Variants in TTC6 observed in about 807,000 individuals in gnomAD.
TTC6 encodes tetratricopeptide repeat domain 6.
In TTC6, 172 loss-of-function variants were observed where a neutral mutation model predicts 210.4. That is an observed-to-expected ratio of 0.82 (90% CI 0.72 to 0.93). The LOEUF is 0.93. Ranked by LOEUF, TTC6 falls within the 40% of genes least tolerant of loss-of-function variation. The pLI is 0.00. For missense variants in TTC6, 2,414 were observed against 2,318.1 expected (o/e 1.04, Z -0.85); for synonymous variants, 804 against 819.6 (o/e 0.98, Z 0.32).
At chr14:37,786,512 G>A (rs1171332405) in intron 14 of TTC6, among the ~76,000 whole-genome samples, 2 of 152,186 alleles carry the variant, frequency 1.3e-5, no homozygotes, top group African/African-American at 4.8e-5. Flanking sequence ...CAATTTTCCA[G>A]GTGCCATCTG....
chr14:37,728,444 C>T (rs1171691189), intron 7 of TTC6, among the ~76,000 whole-genome samples: 1 of 151,424 alleles, frequency 6.6e-6, no homozygotes, highest in African/African-American at 2.4e-5. Context: ...AAAAAATTCT[C>T]CACTTGTTAC....
intron 3 of TTC6, among the ~76,000 whole-genome samples, chr14:37,691,482 A>AT (rs1384224784): frequency 6.6e-6 from 1 of 152,156 alleles, no homozygotes; most frequent in African/African-American, 2.4e-5. Flanking sequence ...AAATTGAAAA[A>AT]TTTTTTTGAA....
chr14:37,670,843 T>C (rs1226082390), intron 1 of TTC6, among the ~76,000 whole-genome samples: 1 of 152,078 alleles, frequency 6.6e-6, no homozygotes, highest in Non-Finnish European at 1.5e-5. Context: ...AATTATGCAA[T>C]AATAGGTAAT....
rs116059830 is a variant in TTC6 at position 37,747,517 on chromosome 14, T to C, written c.2364-1422T>C. The stretch of plus-strand genomic sequence containing the variant: ...AAGAAAAGAGTTGTATAGTAATGGT[T>C]TTCTTGAAAGCAGTAGTGATCTTTT... On this transcript the variant is annotated intron_variant, in intron 10 of 30. Coordinates refer to ENST00000553443, the Ensembl canonical transcript of TTC6. Among the ~76,000 whole-genome samples, 1,333 of 152,292 alleles carry C rather than the reference T, an allele frequency of 8.8e-3. 27 individuals carry two copies. Among genetic ancestry groups the C allele is most frequent in the African/African-American group, 0.03 (1,267 of 41,546 alleles).
chr14:37,761,018 G>C (rs12100740), intron 14 of TTC6, among the ~76,000 whole-genome samples: 35 of 152,218 alleles, frequency 2.3e-4, no homozygotes, highest in African/African-American at 7.9e-4. Context: ...TTCCAGGGGA[G>C]TAAGTGGTTC....
intron 1 of TTC6, among the ~76,000 whole-genome samples, chr14:37,604,172 C>T (rs2095620892): frequency 6.6e-6 from 1 of 152,180 alleles, no homozygotes; most frequent in Admixed American, 6.5e-5. Flanking sequence ...AGGGAGCTCT[C>T]CCATGGGAAC....
Position 37,838,527 on chromosome 14 carries a change from C to T in TTC6, c.5299-2918C>T, listed in dbSNP as rs578081923. Among the ~76,000 whole-genome samples the T allele has an allele frequency of 7.2e-5, 11 of 152,178 alleles. No individual in the cohort carries two copies. The South Asian group carries it at 1.9e-3, about 26-fold the overall frequency. ...TGGTCTTTTCAACAAGCTGATATTT[C>T]CTCTCTCTTTTTTATACCTTTTTAT... On this transcript the variant is annotated intron_variant, in intron 29 of 30. Coordinates refer to ENST00000553443, the Ensembl canonical transcript of TTC6.
chr14:37,808,776 T>C, exon 24 of TTC6: 2 of 1,525,596 alleles, frequency 1.3e-6, no homozygotes, highest in Middle Eastern at 1.7e-4. Flanking sequence ...GCTATCAGCA[T>C]GGACAAAAAT....
At chr14:37,629,213 C>T (rs565673432) in intron 1 of TTC6, among the ~76,000 whole-genome samples, 33 of 152,152 alleles carry the variant, frequency 2.2e-4, no homozygotes, top group Non-Finnish European at 4.1e-4. Context: ...GCCATTTTCA[C>T]GATATTGATT....
At chr14:37,629,087 G>A (rs547320920) in intron 1 of TTC6, among the ~76,000 whole-genome samples, 47 of 152,146 alleles carry the variant, frequency 3.1e-4, no homozygotes, top group Non-Finnish European at 5.0e-4. Context: ...TTGGCTATAC[G>A]GGCTCTTTTT....
intron 5 of TTC6, among the ~76,000 whole-genome samples, chr14:37,711,385 A>G (rs532488234): frequency 1.3e-5 from 2 of 152,328 alleles, no homozygotes; most frequent in East Asian, 1.9e-4. Flanking sequence ...CAGGGAAACC[A>G]GGGAGTCAGA....
Position 37,665,943 on chromosome 14 carries a change from C to A in TTC6, c.940-14208C>A, listed in dbSNP as rs1217488284. Among the ~76,000 whole-genome samples the A allele has an allele frequency of 3.3e-5, 5 of 150,626 alleles. 1 individual carries two copies. Among genetic ancestry groups the A allele is most frequent in the African/African-American group, 7.3e-5 (3 of 41,320 alleles). The stretch of plus-strand genomic sequence containing the variant: ...CCAGAGCCTTGATTTAGCATTACTT[C>A]TTTCCCCTCTTCTACCTCCAAAATA... On this transcript the variant is annotated intron_variant, in intron 1 of 30. Transcript: ENST00000553443.
intron 1 of TTC6, among the ~76,000 whole-genome samples, chr14:37,625,873 A>T (rs921900115): frequency 2.6e-5 from 4 of 152,214 alleles, no homozygotes; most frequent in African/African-American, 9.6e-5. Context: ...GTTGCAAAGA[A>T]TACGGAGGGT....
At chr14:37,769,293 G>T (rs1000753095) in intron 14 of TTC6, among the ~76,000 whole-genome samples, 1 of 151,594 alleles carries the variant, frequency 6.6e-6, no homozygotes, top group African/African-American at 2.4e-5. Context: ...CCCGGCTTTG[G>T]TATCAGAATG....
At chr14:37,745,217 G>A (rs2095932387) in intron 10 of TTC6, among the ~76,000 whole-genome samples, 1 of 152,152 alleles carries the variant, frequency 6.6e-6, no homozygotes, top group African/African-American at 2.4e-5. Context: ...CATTGCTTCA[G>A]TAAATATACC....
chr14:37,828,294 T>A (rs958366571), intron 29 of TTC6, among the ~76,000 whole-genome samples: 1 of 152,216 alleles, frequency 6.6e-6, no homozygotes, highest in East Asian at 1.9e-4. Context: ...TTATTTATAG[T>A]CACTCTTTTT....
chr14:37,612,862 C>G (rs1383244687), intron 2 of TTC6, among the ~76,000 whole-genome samples: 1 of 152,148 alleles, frequency 6.6e-6, no homozygotes, highest in South Asian at 2.1e-4. Flanking sequence ...TACTTTCACT[C>G]TTAGTACATA....
intron 5 of TTC6, 119 bp downstream of exon 7, chr14:37,701,645 G>A: frequency 1.0e-6 from 1 of 981,718 alleles, no homozygotes; most frequent in Non-Finnish European, 1.4e-6. Flanking sequence ...AGAGGAGGGA[G>A]CAGTTTTTGT....
At chr14:37,737,798 A>G in intron 9 of TTC6, 64 bp downstream of exon 11, 1 of 873,912 alleles carries the variant, frequency 1.1e-6, no homozygotes, top group Non-Finnish European at 1.6e-6. Context: ...AATAATAATC[A>G]CCTTATTTTT....
Sources: allele counts gnomAD v4.1 joint callset (sites outside exome capture counted in the v4.1 genomes callset), GRCh38; gene constraint gnomAD v4.1.1; transcripts MANE v1.5; gene names NCBI Gene and HGNC (gene_info 2026-07-23, HGNC 2026-07-21).